Variants in RIMS2 observed in about 807,000 individuals in gnomAD.
RIMS2 encodes regulating synaptic membrane exocytosis 2.
RIMS2 carries 59 observed loss-of-function variants against 174.4 expected under a neutral mutation model. The ratio of observed to expected loss-of-function variants is 0.34; its 90% CI spans 0.27 to 0.42. The LOEUF (loss-of-function observed/expected upper bound fraction) is 0.42. Ranked by LOEUF, RIMS2 falls within the 10% of genes least tolerant of loss-of-function variation. RIMS2 has a pLI of 1.00. For missense variants in RIMS2, 1,620 were observed against 1,666.3 expected (o/e 0.97, Z 0.48); for synonymous variants, 606 against 572.5 (o/e 1.06, Z -0.84).
intron 1 of RIMS2, among the ~76,000 whole-genome samples, chr8:103,641,757 C>G (rs746702721): frequency 2.8e-4 from 43 of 152,018 alleles, no homozygotes; most frequent in Non-Finnish European, 2.6e-4. Context: ...GGCATCTCCT[C>G]CCCTTTTTCT....
intron 19 of RIMS2, among the ~76,000 whole-genome samples, chr8:104,074,818 A>T (rs1294213862): frequency 6.6e-6 from 1 of 152,182 alleles, no homozygotes; most frequent in Non-Finnish European, 1.5e-5. Flanking sequence ...AGTGATTAAT[A>T]GACATGCATA....
At chr8:104,223,291 C>A in intron 19 of RIMS2, 1 of 854,808 alleles carries the variant, frequency 1.2e-6, no homozygotes, top group Non-Finnish European at 1.4e-6. Flanking sequence ...TTGGCGGGGA[C>A]CGCAGCATCA....
At chr8:103,519,524 C>T (rs1452124855) in intron 1 of RIMS2, among the ~76,000 whole-genome samples, 2 of 152,084 alleles carry the variant, frequency 1.3e-5, no homozygotes, top group African/African-American at 2.4e-5. Flanking sequence ...CCAGCTCTTA[C>T]CCCACAATTC....
intron 3 of RIMS2, among the ~76,000 whole-genome samples, chr8:103,828,649 C>T (rs1002644049): frequency 1.3e-5 from 2 of 151,918 alleles, no homozygotes; most frequent in African/African-American, 4.8e-5. Context: ...AAACCTTTGT[C>T]AGGTCCTAGT....
intron 3 of RIMS2, among the ~76,000 whole-genome samples, chr8:103,796,178 T>G (rs2098548847): frequency 6.6e-6 from 1 of 152,214 alleles, no homozygotes; most frequent in South Asian, 2.1e-4. Context: ...ATTTTCTACT[T>G]GGTTTCCTGA....
intron 3 of RIMS2, among the ~76,000 whole-genome samples, chr8:103,783,359 C>T (rs1475218824): frequency 4.7e-5 from 7 of 149,326 alleles, no homozygotes; most frequent in South Asian, 2.1e-4. Flanking sequence ...CATGCTGGTG[C>T]GCTGCACCCA....
intron 2 of RIMS2, among the ~76,000 whole-genome samples, chr8:103,759,664 C>CATAA: frequency 6.6e-6 from 1 of 151,740 alleles, no homozygotes; most frequent in East Asian, 1.9e-4. Context: ...GTGGCATGAG[C>CATAA]ATAACTACAT....
intron 1 of RIMS2, among the ~76,000 whole-genome samples, chr8:103,627,581 T>C (rs1371583453): frequency 6.6e-6 from 1 of 152,218 alleles, no homozygotes; most frequent in East Asian, 1.9e-4. Flanking sequence ...TATAAAAGTA[T>C]TAATTTGGGG....
At chr8:104,235,843 A>G (rs976360372) in intron 19 of RIMS2, among the ~76,000 whole-genome samples, 1 of 152,096 alleles carries the variant, frequency 6.6e-6, no homozygotes, top group African/African-American at 2.4e-5. Context: ...TTGTTATCTC[A>G]TATTCATTCC....
At chr8:103,805,133 G>GT (rs1380748901) in intron 3 of RIMS2, among the ~76,000 whole-genome samples, 3 of 151,884 alleles carry the variant, frequency 2.0e-5, no homozygotes, top group Non-Finnish European at 2.9e-5. Flanking sequence ...TTATGTATGT[G>GT]TTTTTTTCTG....
intron 1 of RIMS2, among the ~76,000 whole-genome samples, chr8:103,510,572 G>C (rs945169331): frequency 6.6e-6 from 1 of 151,954 alleles, no homozygotes; most frequent in African/African-American, 2.4e-5. Context: ...TTCAGCTGAG[G>C]GCTGTTCTTA....
intron 2 of RIMS2, among the ~76,000 whole-genome samples, chr8:103,764,000 GA>G (rs1456538064): frequency 2.0e-5 from 3 of 152,034 alleles, no homozygotes; most frequent in African/African-American, 7.2e-5. Flanking sequence ...AGGGTTTGGG[GA>G]AAAAATATTG....
chr8:103,704,941 G>T (rs2097207828), intron 2 of RIMS2, among the ~76,000 whole-genome samples: 1 of 151,232 alleles, frequency 6.6e-6, no homozygotes, highest in African/African-American at 2.4e-5. Flanking sequence ...TGTGTTTTTT[G>T]ACTCAATTTT....
At chr8:103,951,807 C>T (rs966760488) in intron 14 of RIMS2, among the ~76,000 whole-genome samples, 2 of 152,236 alleles carry the variant, frequency 1.3e-5, no homozygotes, top group African/African-American at 4.8e-5. Flanking sequence ...TGGTCTGGCT[C>T]AGCGGATCCC....
rs191320823 is a variant in RIMS2, at chr8:103,863,303, C to G, written c.699-21995C>G. Among the ~76,000 whole-genome samples the G allele has an allele frequency of 3.9e-5, 6 of 152,114 alleles. No homozygotes were observed. The East Asian group carries it at 1.2e-3, about 29-fold the overall frequency. ...CTTATATTGAACCATTCTTGCATCC[C>G]AGGAATAAAGCCAACCTGATTGTGG... On this transcript the variant is annotated intron_variant, in intron 3 of 23. Coordinates refer to ENST00000504942, the Ensembl canonical transcript of RIMS2.
intron 1 of RIMS2, among the ~76,000 whole-genome samples, chr8:103,645,645 A>G (rs1297775091): frequency 6.6e-6 from 1 of 152,130 alleles, no homozygotes; most frequent in Non-Finnish European, 1.5e-5. Flanking sequence ...GTGAGAAACC[A>G]AATTTCAGAG....
At chr8:103,770,394 G>A (rs1196143831) in intron 3 of RIMS2, among the ~76,000 whole-genome samples, 1 of 152,122 alleles carries the variant, frequency 6.6e-6, no homozygotes, top group Non-Finnish European at 1.5e-5. Context: ...TGGCCAACTT[G>A]GTGAAACCCC....
intron 3 of RIMS2, among the ~76,000 whole-genome samples, chr8:103,815,669 CAGAT>C (rs2098714087): frequency 6.6e-6 from 1 of 152,082 alleles, no homozygotes; most frequent in Admixed American, 6.6e-5. Context: ...TCAGCACTAA[CAGAT>C]AGAAGGATAG....
At chr8:104,167,160 G>T (rs1158640141) in intron 19 of RIMS2, among the ~76,000 whole-genome samples, 1 of 152,100 alleles carries the variant, frequency 6.6e-6, no homozygotes, top group African/African-American at 2.4e-5. Flanking sequence ...TGGATCAAAT[G>T]GTAATTCTGC....
Sources: allele counts gnomAD v4.1 joint callset (sites outside exome capture counted in the v4.1 genomes callset), GRCh38; gene constraint gnomAD v4.1.1; transcripts MANE v1.5; gene names NCBI Gene and HGNC (gene_info 2026-07-23, HGNC 2026-07-21).